KCNJ3: variants seen among roughly 807,000 people sequenced by gnomAD.
The protein encoded by KCNJ3 is potassium inwardly rectifying channel subfamily J member 3.
A neutral mutation model predicts 39.2 loss-of-function variants in KCNJ3; 4 were observed. The observed-to-expected ratio is 0.10, with a 90% CI of 0.05 to 0.23. The LOEUF is 0.23. Among genes scored for constraint, KCNJ3 ranks in the 10% least tolerant of loss-of-function variants. The probability of loss-of-function intolerance (pLI) is 1.00; values close to 1 mark genes in which losing one functional copy is unlikely to be tolerated. For synonymous variants in KCNJ3, 230 were observed against 237.4 expected (o/e 0.97, Z 0.29); for missense variants, 276 against 634.9 (o/e 0.43, Z 6.08).
At position 154,699,490 on chromosome 2, in the gene KCNJ3, C is replaced by T; in HGVS notation, c.702+13C>T. On this transcript the variant is annotated intron_variant, in intron 1 of 2. Transcript: ENST00000295101. The surrounding 1 kb of genome is among the most constrained non-coding windows in gnomAD (Gnocchi z 6.4). ...CAAGCTGCTCAAAGTAAGTGCTCCC[C>T]GCCCCTTCCCCACCGGGAGACCTGC... is the stretch of plus-strand genomic sequence containing the variant. 1.9e-6 allele frequency: 3 copies of T among 1,558,210 alleles called. No individual in the cohort carries two copies. The highest frequency in any genetic ancestry group is 1.8e-5 in the Admixed American group (1 of 55,324).
rs1686403269 is a variant in KCNJ3 at position 154,779,804 on chromosome 2, C to A, written c.919+69985C>A. ...TGATCCGCCCACCTTGGCCTCAAAG[C>A]ACTGGGATTGCAGGTGTAAGCCACC... On this transcript the variant is annotated intron_variant, in intron 2 of 2. Transcript: ENST00000295101. Among the ~76,000 whole-genome samples, 8 of 152,142 alleles carry A rather than the reference C, an allele frequency of 5.3e-5. No individual in the cohort carries two copies. In the South Asian group the frequency reaches 1.4e-3, roughly 28 times the overall value.
chr2:154,704,798 G>T (rs1197603784), intron 1 of KCNJ3, among the ~76,000 whole-genome samples: 1 of 152,044 alleles, frequency 6.6e-6, no homozygotes, highest in East Asian at 1.9e-4. Flanking sequence ...ATTTCCCAAT[G>T]TTAGTTTCCA....
Position 154,855,859 on chromosome 2 carries a change from GTTTAC to G in KCNJ3, c.*551_*555del, listed in dbSNP as rs1250976071. On this transcript the variant is annotated 3_prime_UTR_variant, in exon 3 of 3. Coordinates refer to ENST00000295101, the MANE Select transcript of KCNJ3 (RefSeq NM_002239.4). ...GTTCAAAGTTGTAGTTCTTGTGCAT[GTTTAC>G]TTTATTAGAGTAGGAAGGCTACTGG... 3 of 152,316 alleles carry G rather than the reference GTTTAC, an allele frequency of 2.0e-5. No homozygotes were observed. Among genetic ancestry groups the G allele is most frequent in the African/African-American group, 4.8e-5 (2 of 41,386 alleles). The allele number at this position is 152,316 out of a possible 1,614,324, so 9.4% of individuals were successfully genotyped here.
At chr2:154,756,080 C>T (rs557383896) in intron 2 of KCNJ3, among the ~76,000 whole-genome samples, 24 of 152,112 alleles carry the variant, frequency 1.6e-4, no homozygotes, top group South Asian at 8.3e-4. Context: ...GATATCCAGA[C>T]GGGTTTAGAT....
At chr2:154,784,846 G>C (rs1391466222) in intron 2 of KCNJ3, among the ~76,000 whole-genome samples, 1 of 152,080 alleles carries the variant, frequency 6.6e-6, no homozygotes, top group Non-Finnish European at 1.5e-5. Flanking sequence ...ATTTCTTTGT[G>C]TCTGTTTTCA....
chr2:154,789,698 G>A (rs1450509402), intron 2 of KCNJ3, among the ~76,000 whole-genome samples: 2 of 152,018 alleles, frequency 1.3e-5, no homozygotes, highest in Non-Finnish European at 2.9e-5. Context: ...TTGCACTCAA[G>A]TAACCCAAAT....
At chr2:154,761,058 T>G (rs1240320016) in intron 2 of KCNJ3, among the ~76,000 whole-genome samples, 1 of 103,014 alleles carries the variant, frequency 9.7e-6, no homozygotes, top group African/African-American at 2.6e-5. Flanking sequence ...TTTTTTAATT[T>G]TTTCTTTTTT....
chr2:154,840,233 A>G (rs572690639), intron 2 of KCNJ3, among the ~76,000 whole-genome samples: 5 of 152,302 alleles, frequency 3.3e-5, no homozygotes, highest in African/African-American at 1.2e-4. Flanking sequence ...CAGGTTTGTC[A>G]AAGATCAGAT....
intron 2 of KCNJ3, among the ~76,000 whole-genome samples, chr2:154,794,281 G>T (rs949118222): frequency 1.3e-5 from 2 of 151,692 alleles, no homozygotes; most frequent in South Asian, 2.1e-4. Context: ...ATGATTTTAC[G>T]TTAAAACTTT....
At chr2:154,773,826 TA>T (rs1400197585) in intron 2 of KCNJ3, among the ~76,000 whole-genome samples, 1 of 152,164 alleles carries the variant, frequency 6.6e-6, no homozygotes, top group Admixed American at 6.5e-5. Context: ...GTGTAGTCAT[TA>T]TGAGATGTTA....
intron 2 of KCNJ3, among the ~76,000 whole-genome samples, chr2:154,808,552 T>C (rs1243339214): frequency 1.3e-5 from 2 of 152,028 alleles, no homozygotes; most frequent in Non-Finnish European, 2.9e-5. Flanking sequence ...GAACAAGAAT[T>C]AAGTGTTAGT....
chr2:154,710,861 A>G (rs1436073759), intron 2 of KCNJ3, among the ~76,000 whole-genome samples: 1 of 152,180 alleles, frequency 6.6e-6, no homozygotes, highest in East Asian at 1.9e-4. Context: ...GTATTGTCCA[A>G]GTAATAGAGG....
intron 2 of KCNJ3, among the ~76,000 whole-genome samples, chr2:154,792,171 G>T (rs1362085628): frequency 1.3e-5 from 2 of 152,030 alleles, no homozygotes; most frequent in Non-Finnish European, 2.9e-5. Flanking sequence ...TCTCAGGATT[G>T]TTTATGCAGC....
At chr2:154,837,811 C>T (rs960958804) in intron 2 of KCNJ3, among the ~76,000 whole-genome samples, 4 of 152,142 alleles carry the variant, frequency 2.6e-5, no homozygotes, top group Admixed American at 6.5e-5. Flanking sequence ...CTTTTTCCAT[C>T]CACCCCAGAA....
chr2:154,771,850 A>C (rs1402245973), intron 2 of KCNJ3, among the ~76,000 whole-genome samples: 2 of 152,216 alleles, frequency 1.3e-5, no homozygotes, highest in East Asian at 3.9e-4. Flanking sequence ...AATTGATATC[A>C]GCAAGATTGA....
intron 2 of KCNJ3, among the ~76,000 whole-genome samples, chr2:154,825,877 T>C (rs1223915627): frequency 2.2e-5 from 3 of 137,578 alleles, no homozygotes; most frequent in African/African-American, 8.0e-5. Flanking sequence ...CTGCACCTGT[T>C]TTTTTTTTTT....
intron 2 of KCNJ3, among the ~76,000 whole-genome samples, chr2:154,802,968 G>A (rs1686845916): frequency 6.6e-6 from 1 of 151,902 alleles, no homozygotes; most frequent in African/African-American, 2.4e-5. Flanking sequence ...AAATTAAATG[G>A]TATCTTCAAG....
chr2:154,709,877 A>G (rs753280367), intron 2 of KCNJ3, 58 bp downstream of exon 2: 9 of 1,584,890 alleles, frequency 5.7e-6, no homozygotes, highest in Admixed American at 3.4e-5. Context: ...ATTATATGAT[A>G]TGCACAATAC....
intron 2 of KCNJ3, among the ~76,000 whole-genome samples, chr2:154,746,011 C>A (rs1010301074): frequency 4.0e-5 from 6 of 151,764 alleles, no homozygotes; most frequent in African/African-American, 1.2e-4. Context: ...CAGGTAGCGA[C>A]CCCTGAGACA....
Sources: allele counts gnomAD v4.1 joint callset (sites outside exome capture counted in the v4.1 genomes callset), GRCh38; gene constraint gnomAD v4.1.1; non-coding constraint Gnocchi (gnomAD v3.1); transcripts MANE v1.5; gene names NCBI Gene and HGNC (gene_info 2026-07-23, HGNC 2026-07-21).